The following TRAF1 variants were observed in gnomAD, a reference collection of about 807,000 sequenced individuals.
TRAF1 encodes TNF receptor-associated factor 1.
TRAF1 carries 23 observed loss-of-function variants against 40.9 expected under a neutral mutation model. The observed-to-expected ratio is 0.56, with a 90% CI of 0.40 to 0.80. The LOEUF (loss-of-function observed/expected upper bound fraction) is 0.80. Ranked by LOEUF, TRAF1 falls within the 30% of genes least tolerant of loss-of-function variation. The probability of loss-of-function intolerance (pLI) is 0.00; values close to 1 mark genes in which losing one functional copy is unlikely to be tolerated. For missense variants in TRAF1, 477 were observed against 528.7 expected (o/e 0.90, Z 0.96); for synonymous variants, 206 against 218.8 (o/e 0.94, Z 0.52).
chr9:120,915,967 C>G (rs998995246), intron 3 of TRAF1, among the ~76,000 whole-genome samples: 25 of 152,136 alleles, frequency 1.6e-4, no homozygotes, highest in Admixed American at 5.9e-4. Flanking sequence ...CATTTCACTC[C>G]TAGGAATTTA....
At chr9:120,911,031 G>A (rs1191500529) in intron 6 of TRAF1, among the ~76,000 whole-genome samples, 1 of 152,232 alleles carries the variant, frequency 6.6e-6, no homozygotes, top group Non-Finnish European at 1.5e-5. Flanking sequence ...AACCCATGAA[G>A]TGGGTAACAG....
At chr9:120,914,496 C>T in intron 3 of TRAF1, 196 bp from the exon 4 acceptor site, 1 of 1,209,758 alleles carries the variant, frequency 8.3e-7, no homozygotes, top group Non-Finnish European at 1.0e-6. Flanking sequence ...AAAACAGGAC[C>T]TGGGCCCTTA....
intron 3 of TRAF1, among the ~76,000 whole-genome samples, chr9:120,919,621 G>C (rs1274856946): frequency 2.6e-5 from 4 of 152,190 alleles, no homozygotes; most frequent in Non-Finnish European, 4.4e-5. Flanking sequence ...ACAGTCACAT[G>C]GGGAGCTTGG....
chr9:120,905,375 G>A (rs2046473183), intron 7 of TRAF1, 137 bp from the exon 8 acceptor site: 10 of 994,524 alleles, frequency 1.0e-5, no homozygotes, highest in Middle Eastern at 3.1e-4. Flanking sequence ...TGGATTAGGA[G>A]TCAGAGAAAC....
At position 120,905,251 on chromosome 9, in the gene TRAF1, G is replaced by A. The variant is rs148594967; in HGVS notation, c.1033-13C>T. The A allele has an allele frequency of 0.014, 22,902 of 1,593,674 alleles. 213 individuals are homozygous for A. The highest frequency in any genetic ancestry group is 0.03 in the Middle Eastern group (179 of 6,026). ...GCATGAAGGTGACCTGCAGGGAAGG[G>A]ATAGGTGGGAGATCAGGCCCTACAG... On this transcript the variant is annotated splice_polypyrimidine_tract_variant and intron_variant, in intron 7 of 7. Transcript: ENST00000373887.
upstream of TRAF1, chr9:120,927,674 C>A (rs1273410091): frequency 6.6e-6 from 1 of 152,092 alleles, no homozygotes; most frequent in Non-Finnish European, 1.5e-5. Context: ...GCCTGAGATA[C>A]ATTAAACTGC....
intron 3 of TRAF1, among the ~76,000 whole-genome samples, chr9:120,918,715 G>T (rs1049120634): frequency 3.3e-5 from 5 of 152,228 alleles, no homozygotes; most frequent in African/African-American, 1.2e-4. Flanking sequence ...GGCAGGTGGG[G>T]CTGTATTAGA....
intron 3 of TRAF1, among the ~76,000 whole-genome samples, chr9:120,914,731 G>A (rs1363495947): frequency 1.3e-5 from 2 of 152,150 alleles, no homozygotes; most frequent in Non-Finnish European, 2.9e-5. Flanking sequence ...GGGGAATCTT[G>A]GGCTCACAAT....
At chr9:120,907,811 A>G (rs2046494031) in intron 7 of TRAF1, among the ~76,000 whole-genome samples, 1 of 151,970 alleles carries the variant, frequency 6.6e-6, no homozygotes, top group Non-Finnish European at 1.5e-5. Flanking sequence ...GTGGGCAGCC[A>G]CTGGCCATTC....
chr9:120,925,033 C>A (rs2046629904), intron 2 of TRAF1, among the ~76,000 whole-genome samples: 1 of 152,252 alleles, frequency 6.6e-6, no homozygotes, highest in Admixed American at 6.5e-5. Flanking sequence ...CCTCCACCTC[C>A]TGGCTGGCCT....
chr9:120,914,349 A>G, intron 3 of TRAF1, 49 bp from the exon 4 acceptor site: 2 of 1,383,332 alleles, frequency 1.4e-6, no homozygotes, highest in Non-Finnish European at 1.9e-6. Flanking sequence ...CCCTGTGGCT[A>G]CCCTGGGGCT....
intron 7 of TRAF1, among the ~76,000 whole-genome samples, chr9:120,906,431 G>A (rs1275515837): frequency 6.6e-6 from 1 of 152,054 alleles, no homozygotes; most frequent in African/African-American, 2.4e-5. Flanking sequence ...CACCCACCTC[G>A]GCCTTCCAAA....
chr9:120,914,351 C>G, intron 3 of TRAF1, 51 bp from the exon 4 acceptor site: 1 of 1,380,038 alleles, frequency 7.2e-7, no homozygotes, highest in Non-Finnish European at 9.5e-7. Flanking sequence ...CTGTGGCTAC[C>G]CTGGGGCTCT....
chr9:120,921,684 G>A (rs964487735), intron 3 of TRAF1, among the ~76,000 whole-genome samples: 4 of 152,114 alleles, frequency 2.6e-5, no homozygotes, highest in Admixed American at 6.6e-5. Context: ...AGAGTGTAAA[G>A]TTCCAAGAAC....
chr9:120,915,252 C>T (rs535020510), intron 3 of TRAF1, among the ~76,000 whole-genome samples: 102 of 152,318 alleles, frequency 6.7e-4, no homozygotes, highest in Non-Finnish European at 1.1e-3. Context: ...TGCTACACAC[C>T]GAAACTCTGT....
chr9:120,906,651 C>T (rs2131617824), intron 7 of TRAF1, among the ~76,000 whole-genome samples: 1 of 152,292 alleles, frequency 6.6e-6, no homozygotes, highest in Non-Finnish European at 1.5e-5. Context: ...GCTGCATTGA[C>T]ACATAATTAT....
chr9:120,905,299 A>G lies in TRAF1; in HGVS notation c.1033-61T>C. On this transcript the variant is annotated intron_variant, in intron 7 of 7. Transcript: ENST00000373887. ...CAGCAGCAGCGCAGCTTGGAGGCCC[A>G]GGCTTGGGCTCAGAGCTGTGCTCCA... is the stretch of plus-strand genomic sequence containing the variant. 3 of 1,516,130 alleles carry G rather than the reference A, an allele frequency of 2.0e-6. No homozygotes were observed. In the South Asian group the frequency reaches 3.6e-5, roughly 18 times the overall value. 93.9% of individuals were successfully genotyped at this position (1,516,130 alleles called of 1,614,324 possible). A position where few individuals can be genotyped will look rare whatever the true frequency, so the allele number is the denominator to read the frequency against.
intron 3 of TRAF1, among the ~76,000 whole-genome samples, chr9:120,919,865 T>C (rs1457348906): frequency 1.3e-5 from 2 of 152,188 alleles, no homozygotes; most frequent in African/African-American, 4.8e-5. Flanking sequence ...GGATTCCTTG[T>C]GTAGAGGCAG....
chr9:120,906,407 G>C (rs901402154), intron 7 of TRAF1, among the ~76,000 whole-genome samples: 1 of 152,084 alleles, frequency 6.6e-6, no homozygotes, highest in African/African-American at 2.4e-5. Context: ...TTGAACTGCT[G>C]ACCTCAGGTG....
Sources: gnomAD v4.1 joint callset for allele counts (sites outside exome capture counted in the v4.1 genomes callset) on GRCh38, gnomAD v4.1.1 for gene constraint, MANE v1.5 for transcripts, NCBI Gene and HGNC (gene_info 2026-07-23, HGNC 2026-07-21) for gene names.